Variants in CALD1 observed in about 807,000 individuals in gnomAD.
CALD1 encodes caldesmon.
CALD1 carries 33 observed loss-of-function variants against 99.9 expected under a neutral mutation model. The ratio of observed to expected loss-of-function variants is 0.33; its 90% CI spans 0.25 to 0.44. The LOEUF (loss-of-function observed/expected upper bound fraction) is 0.44, where lower values mean the gene tolerates loss of function less well. Ranked by LOEUF, CALD1 falls within the 20% of genes least tolerant of loss-of-function variation. CALD1 has a pLI of 1.00. For synonymous variants in CALD1, 310 were observed against 325.0 expected, an observed-to-expected ratio of 0.95 and a Z score of 0.50; for missense variants, 861 against 962.1, an observed-to-expected ratio of 0.89 and a Z score of 1.39.
intron 3 of CALD1, among the ~76,000 whole-genome samples, chr7:134,887,669 TATGC>T (rs1199142023): frequency 6.6e-6 from 1 of 151,070 alleles, no homozygotes; most frequent in Non-Finnish European, 1.5e-5. Flanking sequence ...CATGTGTGCG[TATGC>T]ATGCATGTGT....
At chr7:134,904,150 G>A (rs10231316) in intron 3 of CALD1, among the ~76,000 whole-genome samples, 7,315 of 152,066 alleles carry the variant, frequency 0.048, 588 homozygotes, top group African/African-American at 0.16. Context: ...TTTAACCCAG[G>A]AGGCAGAGGT....
At chr7:134,898,112 T>A (rs957686486) in intron 3 of CALD1, among the ~76,000 whole-genome samples, 2 of 151,976 alleles carry the variant, frequency 1.3e-5, no homozygotes, top group East Asian at 3.9e-4. Flanking sequence ...TAAGAAAAGT[T>A]TTTTTGGATG....
upstream of CALD1, chr7:134,744,129 G>A (rs1283927820): frequency 6.6e-6 from 1 of 152,218 alleles, no homozygotes; most frequent in Non-Finnish European, 1.5e-5. Flanking sequence ...TTAAGCCCTT[G>A]GCCAATGGTA....
At chr7:134,775,220 T>C (rs1796908028), upstream of CALD1, among the ~76,000 whole-genome samples, 1 of 152,224 alleles carries the variant, frequency 6.6e-6, no homozygotes, top group South Asian at 2.1e-4. Context: ...AAATAATTCA[T>C]ATATGCTGGG....
the CALD1 span, among the ~76,000 whole-genome samples, chr7:134,730,354 G>A: frequency 2.6e-5 from 4 of 152,064 alleles, no homozygotes; most frequent in African/African-American, 7.2e-5. Flanking sequence ...CAACCCTTTC[G>A]TTTTCCCAAC....
chr7:134,737,453 AC>A, the CALD1 span, among the ~76,000 whole-genome samples: 1 of 152,100 alleles, frequency 6.6e-6, no homozygotes, highest in Admixed American at 6.6e-5. Context: ...AGTTTAAATA[AC>A]TATGCATTTT....
chr7:134,952,028 C>G (rs1807380077), intron 9 of CALD1, among the ~76,000 whole-genome samples: 1 of 152,204 alleles, frequency 6.6e-6, no homozygotes, highest in Non-Finnish European at 1.5e-5. Context: ...TGGCCGGGCA[C>G]AGTGGCTCAC....
In CALD1 at chr7:134,810,273, A is replaced by G. The variant is rs185495386; in HGVS notation, c.-130+30524A>G. Among the ~76,000 whole-genome samples the G allele has an allele frequency of 2.6e-4, 39 of 152,314 alleles. 1 individual carries two copies. ...AGTGGTCGGAGATAGCAAATCTGCC[A>G]ATAGGTTACTCTCAGCTGTCTTAAT... On this transcript the variant is annotated intron_variant, in intron 1 of 14. Coordinates refer to ENST00000361675, the MANE Select transcript of CALD1 (RefSeq NM_033138.4).
intron 1 of CALD1, among the ~76,000 whole-genome samples, chr7:134,829,792 C>A (rs1325454108): frequency 6.6e-6 from 1 of 152,060 alleles, no homozygotes; most frequent in Non-Finnish European, 1.5e-5. Flanking sequence ...ACAGAAAGAC[C>A]AGTTGGGAGG....
Position 134,968,331 on chromosome 7 carries a change from T to C in CALD1, c.2377-9T>C. On this transcript the variant is annotated splice_polypyrimidine_tract_variant and intron_variant, in intron 14 of 14. Coordinates refer to ENST00000361675, the MANE Select transcript of CALD1 (RefSeq NM_033138.4). The stretch of plus-strand genomic sequence containing the variant: ...AGGCTGTCAATTTCAAGTTCTCTTC[T>C]CTTGGCAGGTTTGAGACAGTTCCAG... The C allele has an allele frequency of 6.2e-7, 1 of 1,613,834 alleles. No homozygotes were observed. Among genetic ancestry groups the C allele is most frequent in the Non-Finnish European group, 8.5e-7 (1 of 1,179,762 alleles).
Position 134,958,883 on chromosome 7 carries a change from A to ATATATATATATATATATTTAAC in CALD1, c.2061+610_2061+611insTTAACTATATATATATATATAT, listed in dbSNP as rs1808003578. Among the ~76,000 whole-genome samples the ATATATATATATATATATTTAAC allele has an allele frequency of 1.7e-4, 4 of 23,314 alleles. No homozygotes were observed. The South Asian group carries it at 6.3e-3, about 37-fold the overall frequency. 15.3% of individuals were successfully genotyped at this position (23,314 alleles called of 152,430 possible). ...TTTACTGGTATTTAAATATATATAT[A>ATATATATATATATATATTTAAC]TATATATATATATATATATATATAT... is the stretch of plus-strand genomic sequence containing the variant. On this transcript the variant is annotated intron_variant, in intron 11 of 14. Coordinates refer to ENST00000361675, the MANE Select transcript of CALD1 (RefSeq NM_033138.4).
the CALD1 span, among the ~76,000 whole-genome samples, chr7:134,714,783 G>A: frequency 3.3e-5 from 5 of 152,190 alleles, no homozygotes; most frequent in South Asian, 2.1e-4. Flanking sequence ...CAGGTTTTGT[G>A]GTGGAAAGGG....
At chr7:134,941,714 G>C (rs1195024514) in intron 7 of CALD1, among the ~76,000 whole-genome samples, 1 of 152,134 alleles carries the variant, frequency 6.6e-6, no homozygotes, top group Non-Finnish European at 1.5e-5. Context: ...GGAAACACTG[G>C]ATTAAGCTAA....
At chr7:134,889,987 C>T (rs1307206568) in intron 3 of CALD1, among the ~76,000 whole-genome samples, 2 of 152,192 alleles carry the variant, frequency 1.3e-5, no homozygotes, top group East Asian at 3.8e-4. Flanking sequence ...CAGCTCACTG[C>T]AACCTCCGCC....
chr7:134,956,743 T>C (rs886135735), intron 9 of CALD1, among the ~76,000 whole-genome samples: 3 of 152,208 alleles, frequency 2.0e-5, no homozygotes, highest in Admixed American at 2.0e-4. Flanking sequence ...TTCTTGACTG[T>C]CCTGAACAGG....
At chr7:134,788,827 C>A (rs1363774655) in intron 1 of CALD1, among the ~76,000 whole-genome samples, 1 of 151,978 alleles carries the variant, frequency 6.6e-6, no homozygotes, top group Non-Finnish European at 1.5e-5. Flanking sequence ...CTAGCCTGAG[C>A]AAAATGGTGA....
At chr7:134,906,206 A>G (rs1803370680) in intron 3 of CALD1, among the ~76,000 whole-genome samples, 1 of 152,090 alleles carries the variant, frequency 6.6e-6, no homozygotes, top group Admixed American at 6.5e-5. Flanking sequence ...CTGGGATTAC[A>G]GGCATGAGCC....
chr7:134,960,245 C>T (rs1363775455), intron 12 of CALD1, 134 bp downstream of exon 12: 1 of 1,011,854 alleles, frequency 9.9e-7, no homozygotes, highest in South Asian at 1.5e-5. Context: ...TTGCAATGAC[C>T]ACAAAAGCAA....
At chr7:134,851,746 T>G (rs902718643) in intron 2 of CALD1, among the ~76,000 whole-genome samples, 6 of 152,156 alleles carry the variant, frequency 3.9e-5, no homozygotes, top group Non-Finnish European at 5.9e-5. Flanking sequence ...GAGGGTCTCC[T>G]ATTGGCAAGT....
Sources: allele counts gnomAD v4.1 joint callset (sites outside exome capture counted in the v4.1 genomes callset), GRCh38; gene constraint gnomAD v4.1.1; transcripts MANE v1.5; gene names NCBI Gene and HGNC (gene_info 2026-07-23, HGNC 2026-07-21).